Variants in ZNF827 observed in about 807,000 individuals in gnomAD.
ZNF827 encodes the protein zinc finger protein 827.
Under a neutral mutation model 102.4 loss-of-function variants are expected in ZNF827, and 13 were observed. The observed-to-expected ratio is 0.13, with a 90% CI of 0.08 to 0.20. ZNF827 has a LOEUF of 0.20. Ranked by LOEUF, ZNF827 falls within the 10% of genes least tolerant of loss-of-function variation. ZNF827 has a pLI of 1.00. For synonymous variants in ZNF827, 523 were observed against 536.2 expected (o/e 0.98, Z 0.34); for missense variants, 1,103 against 1,344.4 (o/e 0.82, Z 2.81).
intron 8 of ZNF827, among the ~76,000 whole-genome samples, chr4:145,812,815 AC>A (rs1300622566): frequency 6.6e-6 from 1 of 152,224 alleles, no homozygotes; most frequent in East Asian, 1.9e-4. Flanking sequence ...GGTGTGAGCC[AC>A]CACGCCTGAC....
At chr4:145,851,623 A>G (rs1746544861) in intron 5 of ZNF827, among the ~76,000 whole-genome samples, 1 of 152,122 alleles carries the variant, frequency 6.6e-6, no homozygotes, top group Non-Finnish European at 1.5e-5. Flanking sequence ...CATATTACAC[A>G]TGCTTCTCAG....
intron 7 of ZNF827, among the ~76,000 whole-genome samples, chr4:145,826,139 T>C (rs1743657487): frequency 6.6e-6 from 1 of 152,162 alleles, no homozygotes; most frequent in South Asian, 2.1e-4. Flanking sequence ...AGTGTGCTAG[T>C]TTTGCAGAGA....
intron 5 of ZNF827, among the ~76,000 whole-genome samples, chr4:145,867,190 T>G (rs1748288743): frequency 6.6e-6 from 1 of 152,224 alleles, no homozygotes; most frequent in African/African-American, 2.4e-5. Flanking sequence ...GCAATCAATT[T>G]ACTTGGCCCA....
chr4:145,851,334 A>G (rs1176071857), intron 5 of ZNF827, among the ~76,000 whole-genome samples: 1 of 152,196 alleles, frequency 6.6e-6, no homozygotes, highest in Non-Finnish European at 1.5e-5. Context: ...AGGTACACAG[A>G]TAAAACAAAC....
chr4:145,934,549 C>G (rs1754023756), intron 1 of ZNF827, among the ~76,000 whole-genome samples: 1 of 152,206 alleles, frequency 6.6e-6, no homozygotes, highest in Non-Finnish European at 1.5e-5. Flanking sequence ...GGAGCTCAGA[C>G]TGGGGAATTG....
chr4:145,908,312 G>C (rs984430460), intron 1 of ZNF827, among the ~76,000 whole-genome samples: 1 of 152,176 alleles, frequency 6.6e-6, no homozygotes, highest in African/African-American at 2.4e-5. Flanking sequence ...GTTTTAATGA[G>C]AACAGGACTT....
intron 1 of ZNF827, among the ~76,000 whole-genome samples, chr4:145,903,789 C>CA (rs1267980841): frequency 6.6e-6 from 1 of 152,190 alleles, no homozygotes; most frequent in Non-Finnish European, 1.5e-5. Context: ...CTCACTTTAT[C>CA]AGTTGTTATA....
Position 145,842,025 on chromosome 4 carries a change from A to C in ZNF827, c.2279+3931T>G, listed in dbSNP as rs140436829. On this transcript the variant is annotated intron_variant, in intron 7 of 14. Transcript: ENST00000508784. ...ACAGGGAGGGGGAAGTAGAGGAGGG[A>C]GATAGATAAAACATCATAAATCATT... 6.3e-3 allele frequency among the ~76,000 whole-genome samples: 954 copies of C among 152,342 alleles called. 8 individuals are homozygous for C. Among genetic ancestry groups the C allele is most frequent in the African/African-American group, 0.022 (895 of 41,576 alleles).
intron 4 of ZNF827, among the ~76,000 whole-genome samples, chr4:145,873,118 G>C (rs1401559823): frequency 1.3e-5 from 2 of 151,646 alleles, no homozygotes; most frequent in Non-Finnish European, 2.9e-5. Context: ...TGTATTTTTA[G>C]TAGAGATGGG....
Position 145,934,167 on chromosome 4 carries a change from T to G in ZNF827, c.43+4198A>C, listed in dbSNP as rs553658493. Among the ~76,000 whole-genome samples the G allele has an allele frequency of 2.2e-4, 33 of 152,288 alleles. No homozygotes were observed. In the South Asian group the frequency reaches 5.4e-3, roughly 25 times the overall value. Reference sequence around the variant, plus strand: ...GCCAAGAAATAAAGGCTGTATCTCGTGTAATAATTTTTAAAACCACCCCTC... The same window carrying G: ...GCCAAGAAATAAAGGCTGTATCTCGGGTAATAATTTTTAAAACCACCCCTC... On this transcript the variant is annotated intron_variant, in intron 1 of 14. Transcript: ENST00000508784.
At chr4:145,812,109 A>G (rs530508024) in intron 8 of ZNF827, among the ~76,000 whole-genome samples, 5 of 149,922 alleles carry the variant, frequency 3.3e-5, no homozygotes, top group Admixed American at 3.3e-4. Flanking sequence ...TTTTTTTAGT[A>G]GAGACAGGAT....
chr4:145,859,523 C>T (rs1302884975), intron 5 of ZNF827, among the ~76,000 whole-genome samples: 1 of 152,132 alleles, frequency 6.6e-6, no homozygotes, highest in Admixed American at 6.5e-5. Context: ...GATAATGTTC[C>T]CTCCGGGCTC....
chr4:145,822,830 C>T (rs986485240), intron 8 of ZNF827, among the ~76,000 whole-genome samples: 2 of 152,060 alleles, frequency 1.3e-5, no homozygotes, highest in African/African-American at 4.8e-5. Flanking sequence ...TTCCTTCTAC[C>T]CAGGAAAGGA....
intron 2 of ZNF827, among the ~76,000 whole-genome samples, chr4:145,897,068 C>T (rs560087422): frequency 2.6e-5 from 4 of 152,294 alleles, no homozygotes; most frequent in African/African-American, 7.2e-5. Context: ...GCTCTGTTTA[C>T]AGATGAGGAT....
At chr4:145,937,645 G>A (rs1754304831) in intron 1 of ZNF827, among the ~76,000 whole-genome samples, 1 of 145,196 alleles carries the variant, frequency 6.9e-6, no homozygotes, top group African/African-American at 2.5e-5. Flanking sequence ...GTGTTTGTGT[G>A]CGGTGCCCCT....
chr4:145,893,356 C>A (rs1367313104), intron 2 of ZNF827, among the ~76,000 whole-genome samples: 1 of 152,186 alleles, frequency 6.6e-6, no homozygotes, highest in Non-Finnish European at 1.5e-5. Flanking sequence ...AGAACTTAGA[C>A]ATTTCTTTCT....
chr4:145,937,172 A>G (rs1248702738), intron 1 of ZNF827, among the ~76,000 whole-genome samples: 1 of 151,888 alleles, frequency 6.6e-6, no homozygotes, highest in Non-Finnish European at 1.5e-5. Flanking sequence ...GAGTGGGGGA[A>G]AAGTTAAGAG....
At chr4:145,930,527 T>C (rs1242911508) in intron 1 of ZNF827, among the ~76,000 whole-genome samples, 4 of 152,246 alleles carry the variant, frequency 2.6e-5, no homozygotes, top group Non-Finnish European at 5.9e-5. Context: ...CATGCATTTC[T>C]TCCTTGCTGG....
chr4:145,888,632 C>T (rs1242695414), intron 3 of ZNF827, among the ~76,000 whole-genome samples: 1 of 152,010 alleles, frequency 6.6e-6, no homozygotes. Flanking sequence ...GAAGTTAGAG[C>T]TCCTTAAATG....
Sources: allele counts gnomAD v4.1 joint callset (sites outside exome capture counted in the v4.1 genomes callset), GRCh38; gene constraint gnomAD v4.1.1; transcripts MANE v1.5; gene names NCBI Gene and HGNC (gene_info 2026-07-23, HGNC 2026-07-21).